The following SND1 variants were observed in gnomAD, a reference collection of about 807,000 sequenced individuals.
SND1 encodes the protein staphylococcal nuclease domain-containing protein 1.
In SND1, 38 loss-of-function variants were observed where a neutral mutation model predicts 121.7. The ratio of observed to expected loss-of-function variants is 0.31; its 90% CI spans 0.24 to 0.41. The LOEUF (loss-of-function observed/expected upper bound fraction) is 0.41. Ranked by LOEUF, SND1 falls within the 10% of genes least tolerant of loss-of-function variation. The pLI is 1.00. For synonymous variants in SND1, 401 were observed against 447.4 expected, an observed-to-expected ratio of 0.90 and a Z score of 1.31; for missense variants, 868 against 1,184.6, an observed-to-expected ratio of 0.73 and a Z score of 3.92.
chr7:128,071,595 A>T (rs1463501500), intron 16 of SND1, among the ~76,000 whole-genome samples: 1 of 152,228 alleles, frequency 6.6e-6, no homozygotes, highest in Admixed American at 6.5e-5. Context: ...ATGATCACAC[A>T]CATACAACCT....
At chr7:128,068,421 C>G (rs1252812844) in intron 16 of SND1, among the ~76,000 whole-genome samples, 1 of 152,128 alleles carries the variant, frequency 6.6e-6, no homozygotes, top group Non-Finnish European at 1.5e-5. Flanking sequence ...TGCATTGTAC[C>G]CCAGGCCAAG....
At chr7:127,802,603 T>C (rs1258044723) in intron 10 of SND1, among the ~76,000 whole-genome samples, 1 of 152,212 alleles carries the variant, frequency 6.6e-6, no homozygotes, top group East Asian at 1.9e-4. Context: ...CAGTCTCCTG[T>C]TGCATATTCA....
intron 10 of SND1, among the ~76,000 whole-genome samples, chr7:127,742,078 A>C (rs985252555): frequency 5.3e-5 from 8 of 152,226 alleles, no homozygotes; most frequent in Admixed American, 5.2e-4. Flanking sequence ...GTTCTTTCTA[A>C]TCCTTAGTGA....
intron 11 of SND1, among the ~76,000 whole-genome samples, chr7:127,817,953 G>T (rs909652242): frequency 6.6e-6 from 1 of 151,876 alleles, no homozygotes; most frequent in Admixed American, 6.6e-5. Flanking sequence ...TGACAATGAC[G>T]TCGAGATCCT....
chr7:127,673,739 A>G (rs1351241762), intron 1 of SND1, among the ~76,000 whole-genome samples: 1 of 152,170 alleles, frequency 6.6e-6, no homozygotes, highest in Non-Finnish European at 1.5e-5. Flanking sequence ...TTATTCATGT[A>G]TTTATTCAGT....
chr7:127,952,589 TTAGC>T (rs61128917), intron 15 of SND1, among the ~76,000 whole-genome samples: 9,875 of 152,226 alleles, frequency 0.065, 890 homozygotes, highest in East Asian at 0.5. Context: ...AGTAGATCCG[TTAGC>T]CACTGAGGAA....
chr7:128,038,171 A>G (rs1432949665), intron 16 of SND1, among the ~76,000 whole-genome samples: 2 of 152,258 alleles, frequency 1.3e-5, no homozygotes, highest in Admixed American at 6.5e-5. Context: ...TGTATGCTTA[A>G]AATTATTCAG....
At chr7:128,050,155 A>C (rs1389518674) in intron 16 of SND1, among the ~76,000 whole-genome samples, 2 of 152,150 alleles carry the variant, frequency 1.3e-5, no homozygotes, top group African/African-American at 4.8e-5. Context: ...TGGAGCACTT[A>C]ATTTACCCAG....
intron 17 of SND1, among the ~76,000 whole-genome samples, chr7:128,080,863 C>A (rs1793587628): frequency 6.6e-6 from 1 of 152,102 alleles, no homozygotes; most frequent in South Asian, 2.1e-4. Context: ...ACTGCTAGAT[C>A]AGGACTTTAG....
intron 10 of SND1, among the ~76,000 whole-genome samples, chr7:127,802,845 A>G (rs1798160147): frequency 6.6e-6 from 1 of 152,166 alleles, no homozygotes; most frequent in African/African-American, 2.4e-5. Context: ...ACATTTGCTC[A>G]GATAAAAAAG....
intron 15 of SND1, among the ~76,000 whole-genome samples, chr7:127,963,961 T>A (rs1166382683): frequency 6.7e-6 from 1 of 150,192 alleles, no homozygotes; most frequent in African/African-American, 2.5e-5. Context: ...TGGTGTGAGA[T>A]GATATCTCAT....
At chr7:128,010,578 C>G (rs1563087869) in intron 16 of SND1, among the ~76,000 whole-genome samples, 2 of 152,352 alleles carry the variant, frequency 1.3e-5, no homozygotes, top group Admixed American at 6.5e-5. Context: ...TGTTCAGCAC[C>G]AGAGACACCA....
rs1798021460 is a variant in SND1, at chr7:127,796,157, TATCTA to T, written c.1153-11326_1153-11322del. Among the ~76,000 whole-genome samples, 9 of 152,182 alleles carry T rather than the reference TATCTA, an allele frequency of 5.9e-5. No individual in the cohort carries two copies. The South Asian group carries it at 1.9e-3, about 32-fold the overall frequency. On this transcript the variant is annotated intron_variant, in intron 10 of 23. Coordinates refer to ENST00000354725, the MANE Select transcript of SND1 (RefSeq NM_014390.4). ...TCTAATCTTTATTGATTAATGGACT[TATCTA>T]GTATAGTATAAAATCATATTTAGTA... is the stretch of plus-strand genomic sequence containing the variant.
chr7:127,862,884 T>C (rs1799405243), intron 12 of SND1, among the ~76,000 whole-genome samples: 1 of 152,250 alleles, frequency 6.6e-6, no homozygotes, highest in South Asian at 2.1e-4. Context: ...CTTCGTCTCC[T>C]AGATCTCTGG....
intron 14 of SND1, among the ~76,000 whole-genome samples, chr7:127,910,492 A>G (rs1318967928): frequency 2.6e-5 from 4 of 152,056 alleles, no homozygotes; most frequent in African/African-American, 9.7e-5. Context: ...TTGCCTGGTA[A>G]GTCTGAAGAA....
chr7:128,074,824 C>G (rs1261239789), intron 17 of SND1, 134 bp downstream of exon 17: 4 of 859,682 alleles, frequency 4.7e-6, no homozygotes, highest in Non-Finnish European at 7.0e-6. Context: ...GTCTCAGACC[C>G]CACACCAAGG....
At chr7:127,852,839 A>C (rs936765974) in intron 12 of SND1, among the ~76,000 whole-genome samples, 1 of 151,652 alleles carries the variant, frequency 6.6e-6, no homozygotes, top group African/African-American at 2.4e-5. Context: ...AAGAAATAAC[A>C]CCCTCTTCTG....
intron 11 of SND1, among the ~76,000 whole-genome samples, chr7:127,810,180 C>G (rs1220722962): frequency 6.6e-6 from 1 of 152,118 alleles, no homozygotes; most frequent in African/African-American, 2.4e-5. Flanking sequence ...AGTATTTTTC[C>G]CTTTCTTTGT....
At chr7:127,888,033 A>G (rs745387956) in intron 13 of SND1, 21 bp downstream of exon 13, 1 of 1,545,514 alleles carries the variant, frequency 6.5e-7, no homozygotes, top group South Asian at 1.1e-5. Context: ...ACATTACTAA[A>G]CACATGGGGA....
Sources: gnomAD v4.1 joint callset for allele counts (sites outside exome capture counted in the v4.1 genomes callset) on GRCh38, gnomAD v4.1.1 for gene constraint, MANE v1.5 for transcripts, NCBI Gene and HGNC (gene_info 2026-07-23, HGNC 2026-07-21) for gene names.